ANAPC10: variants seen among roughly 807,000 people sequenced by gnomAD.
ANAPC10 encodes the protein anaphase promoting complex subunit 10, also known as anaphase-promoting complex subunit 10.
ANAPC10 carries 12 observed loss-of-function variants against 22.0 expected under a neutral mutation model. That is an observed-to-expected ratio of 0.55 (90% CI 0.35 to 0.88). ANAPC10 has a LOEUF of 0.88. Ranked by LOEUF, ANAPC10 falls within the 40% of genes least tolerant of loss-of-function variation. ANAPC10 has a pLI of 0.01. For synonymous variants in ANAPC10, 65 were observed against 69.5 expected, an observed-to-expected ratio of 0.94 and a Z score of 0.32; for missense variants, 188 against 220.9, an observed-to-expected ratio of 0.85 and a Z score of 0.94.
chr4:145,011,466 C>G (rs1455155670), intron 4 of ANAPC10, among the ~76,000 whole-genome samples: 1 of 151,986 alleles, frequency 6.6e-6, no homozygotes, highest in Non-Finnish European at 1.5e-5. Flanking sequence ...TAAAAATTAT[C>G]ATTTTATAGG....
At chr4:145,033,127 A>C (rs1056759528) in intron 4 of ANAPC10, 2 of 152,240 alleles carry the variant, frequency 1.3e-5, no homozygotes, top group African/African-American at 4.8e-5. Flanking sequence ...CAACTAGATG[A>C]CAATACTTTG....
intron 4 of ANAPC10, among the ~76,000 whole-genome samples, chr4:145,018,446 C>T (rs1030835759): frequency 6.6e-6 from 1 of 151,858 alleles, no homozygotes; most frequent in East Asian, 1.9e-4. Context: ...CCAGCCTAAC[C>T]AACATGGTGA....
chr4:145,064,994 T>G (rs1743466004), intron 3 of ANAPC10, among the ~76,000 whole-genome samples: 1 of 151,928 alleles, frequency 6.6e-6, no homozygotes, highest in Non-Finnish European at 1.5e-5. Context: ...CAAACAAGCA[T>G]TAAGGATTTC....
At position 145,046,771 on chromosome 4, in the gene ANAPC10, C is replaced by T. The variant is rs1327675993; in HGVS notation, c.327+17801G>A. ...GTTGCAACAGAGAAAACACTGATAT[C>T]GAAATGCCAAATATCAACCTTAAAA... On this transcript the variant is annotated intron_variant, in intron 4 of 4. Transcript: ENST00000507656. Among the ~76,000 whole-genome samples the T allele has an allele frequency of 1.3e-5, 2 of 151,938 alleles. 1 individual carries two copies.
chr4:145,030,522 G>T (rs1324749436), intron 4 of ANAPC10, among the ~76,000 whole-genome samples: 2 of 152,216 alleles, frequency 1.3e-5, no homozygotes, highest in East Asian at 1.9e-4. Flanking sequence ...CGGTCCTCCA[G>T]TTAAAGCAGT....
chr4:145,096,279 T>C (rs373103625), intron 1 of ANAPC10, among the ~76,000 whole-genome samples, 168 bp from the exon 2 acceptor site: 65 of 152,274 alleles, frequency 4.3e-4, no homozygotes, highest in African/African-American at 1.5e-3. Flanking sequence ...TCTTAGGGGC[T>C]GGGCATGGTG....
intron 2 of ANAPC10, among the ~76,000 whole-genome samples, chr4:145,087,274 T>C (rs1747036085): frequency 6.6e-6 from 1 of 152,206 alleles, no homozygotes; most frequent in Non-Finnish European, 1.5e-5. Flanking sequence ...CAGCCCAGCT[T>C]AGACTGCCTT....
chr4:145,086,548 T>A (rs1746929499), intron 2 of ANAPC10, among the ~76,000 whole-genome samples: 1 of 152,172 alleles, frequency 6.6e-6, no homozygotes, highest in South Asian at 2.1e-4. Context: ...TTTGAGAGTT[T>A]ATGTTGTGAT....
intron 4 of ANAPC10, among the ~76,000 whole-genome samples, chr4:145,049,130 T>C (rs966666633): frequency 6.6e-6 from 1 of 152,176 alleles, no homozygotes; most frequent in Non-Finnish European, 1.5e-5. Flanking sequence ...CAAAAAAATA[T>C]TTTACTGCTA....
chr4:145,074,808 A>G (rs1488545948), intron 3 of ANAPC10, among the ~76,000 whole-genome samples: 1 of 152,156 alleles, frequency 6.6e-6, no homozygotes, highest in African/African-American at 2.4e-5. Flanking sequence ...CCAATTTTTA[A>G]AAGTTTTCTT....
At chr4:145,043,788 C>T (rs1739876110) in intron 4 of ANAPC10, among the ~76,000 whole-genome samples, 1 of 152,028 alleles carries the variant, frequency 6.6e-6, no homozygotes, top group Non-Finnish European at 1.5e-5. Context: ...GCATAATTTC[C>T]CATAGATTAA....
chr4:145,097,360 TA>T (rs1473378100), intron 1 of ANAPC10: 1 of 595,030 alleles, frequency 1.7e-6, no homozygotes, highest in Non-Finnish European at 2.6e-6. Flanking sequence ...TTAATTTTAC[TA>T]AGTCTATTCA....
chr4:145,020,970 C>T (rs1735886736), intron 4 of ANAPC10, among the ~76,000 whole-genome samples: 1 of 151,944 alleles, frequency 6.6e-6, no homozygotes, highest in African/African-American at 2.4e-5. Context: ...AATGGAAACA[C>T]ATCCCATGTT....
intron 2 of ANAPC10, among the ~76,000 whole-genome samples, chr4:145,094,948 G>C (rs1050805993): frequency 1.3e-5 from 2 of 152,028 alleles, no homozygotes; most frequent in Non-Finnish European, 2.9e-5. Context: ...GTATTTTGGC[G>C]TATGTTATCA....
intron 2 of ANAPC10, among the ~76,000 whole-genome samples, chr4:145,084,505 C>T (rs1200317169): frequency 2.0e-5 from 3 of 151,988 alleles, no homozygotes; most frequent in Non-Finnish European, 2.9e-5. Flanking sequence ...CTTTTGGCTT[C>T]CCTGGGCCAC....
At chr4:145,057,542 A>C (rs187365641) in intron 4 of ANAPC10, among the ~76,000 whole-genome samples, 1 of 152,116 alleles carries the variant, frequency 6.6e-6, no homozygotes, top group African/African-American at 2.4e-5. Flanking sequence ...TTCATATCTA[A>C]GCTTCTATTT....
At chr4:145,002,719 T>C (rs1215344514) in intron 4 of ANAPC10, among the ~76,000 whole-genome samples, 1 of 152,108 alleles carries the variant, frequency 6.6e-6, no homozygotes, top group African/African-American at 2.4e-5. Context: ...AGAAAATCTT[T>C]GGACTGAAAA....
At chr4:145,053,998 T>G (rs982371608) in intron 4 of ANAPC10, among the ~76,000 whole-genome samples, 3 of 151,722 alleles carry the variant, frequency 2.0e-5, no homozygotes, top group Non-Finnish European at 4.4e-5. Context: ...AACCTCTGCC[T>G]CCCAGGTTCA....
intron 3 of ANAPC10, among the ~76,000 whole-genome samples, chr4:145,078,495 C>T (rs145112807): frequency 6.6e-6 from 1 of 152,234 alleles, no homozygotes; most frequent in Non-Finnish European, 1.5e-5. Flanking sequence ...AATCAAACTA[C>T]TGACAGTTTT....
Sources: gnomAD v4.1 joint callset for allele counts (sites outside exome capture counted in the v4.1 genomes callset) on GRCh38, gnomAD v4.1.1 for gene constraint, MANE v1.5 for transcripts, NCBI Gene and HGNC (gene_info 2026-07-23, HGNC 2026-07-21) for gene names.